Variants in BRCA2 observed in about 807,000 individuals in gnomAD.
BRCA2 encodes breast cancer type 2 susceptibility protein.
Under a neutral mutation model 276.7 loss-of-function variants are expected in BRCA2, and 203 were observed. The ratio of observed to expected loss-of-function variants is 0.73; its 90% CI spans 0.65 to 0.82. BRCA2 has a LOEUF of 0.82. Among genes scored for constraint, BRCA2 ranks in the 40% least tolerant of loss-of-function variants. BRCA2 has a pLI of 0.00. For missense variants in BRCA2, 3,920 were observed against 3,915.0 expected, an observed-to-expected ratio of 1.00 and a Z score of -0.03; for synonymous variants, 1,289 against 1,338.4, an observed-to-expected ratio of 0.96 and a Z score of 0.81.
In BRCA2 at chr13:32,398,674, T is replaced by G. The variant is rs1408867028; in HGVS notation, c.10161T>G (p.Thr3387=). 3 of 1,614,046 alleles carry G rather than the reference T, an allele frequency of 1.9e-6. No individual in the cohort carries two copies. The African/African-American group carries it at 4.0e-5, about 22-fold the overall frequency. The change falls in exon 27 of 27, where the codon ACT becomes ACG. Residue 3387 remains threonine (T), a synonymous_variant. Transcript: ENST00000380152. ...ATCTCAGACTGAAACGACGTTGTAC[T>G]ACATCTCTGATCAAAGAACAGGAGA... ...EDYLRLKRRC[T]TSLIKEQESS...
chr13:32,397,486 T>A (rs1158304740), intron 26 of BRCA2, among the ~76,000 whole-genome samples: 1 of 152,210 alleles, frequency 6.6e-6, no homozygotes, highest in Non-Finnish European at 1.5e-5. Flanking sequence ...AACAACCCTA[T>A]GAGATAAAAC....
chr13:32,323,297 C>T (rs1352316930), intron 3 of BRCA2, among the ~76,000 whole-genome samples: 2 of 151,996 alleles, frequency 1.3e-5, no homozygotes, highest in Non-Finnish European at 2.9e-5. Context: ...GGACTACAGG[C>T]ACCCGCCACC....
intron 18 of BRCA2, among the ~76,000 whole-genome samples, chr13:32,369,512 T>C (rs1174933014): frequency 6.6e-6 from 1 of 152,208 alleles, no homozygotes; most frequent in East Asian, 1.9e-4. Context: ...GTTTCTCATA[T>C]ACTTTAGTTT....
rs536333595 is a variant in BRCA2, at chr13:32,399,315, T to C, written c.*545T>C. ...ATAATTCCTTTTAGTTTAGCTACTA[T>C]TTTAGGGGATTTTTTTTAGAGGTAA... On this transcript the variant is annotated 3_prime_UTR_variant, in exon 27 of 27. Coordinates refer to ENST00000380152, the MANE Select transcript of BRCA2 (RefSeq NM_000059.4). 4 of 194,070 alleles carry C rather than the reference T, an allele frequency of 2.1e-5. No individual in the cohort carries two copies. The highest frequency in any genetic ancestry group is 4.6e-5 in the African/African-American group (2 of 43,238). The allele number at this position is 194,070 out of a possible 1,614,324, so 12.0% of individuals were successfully genotyped here. A position where few individuals can be genotyped will look rare whatever the true frequency, so the allele number is the denominator to read the frequency against.
intron 13 of BRCA2, among the ~76,000 whole-genome samples, chr13:32,351,573 G>A (rs1277822904): frequency 6.6e-6 from 1 of 152,170 alleles, no homozygotes; most frequent in Non-Finnish European, 1.5e-5. Flanking sequence ...AAAGGCAAGA[G>A]TGTGTGTGTA....
chr13:32,341,397 A>G (rs1288400484), intron 11 of BRCA2, among the ~76,000 whole-genome samples: 1 of 152,220 alleles, frequency 6.6e-6, no homozygotes, highest in Non-Finnish European at 1.5e-5. Flanking sequence ...CTTGGTATAC[A>G]GATTCGATAT....
intron 12 of BRCA2, among the ~76,000 whole-genome samples, chr13:32,345,812 G>T (rs949562599): frequency 6.6e-6 from 1 of 151,904 alleles, no homozygotes; most frequent in African/African-American, 2.4e-5. Flanking sequence ...TTTAAATTGT[G>T]ATCCATCACA....
At position 32,319,214 on chromosome 13, in the gene BRCA2, C is replaced by A. The variant is rs876658614; in HGVS notation, c.205C>A (p.Pro69Thr). The A allele has an allele frequency of 2.5e-6, 4 of 1,613,846 alleles. No individual in the cohort carries two copies. In the Admixed American group the frequency reaches 6.7e-5, roughly 27 times the overall value. ...PNLFKTPQRKPSYNQLASTPI... is the reference protein window; with the variant it reads ...PNLFKTPQRKTSYNQLASTPI... The stretch of plus-strand genomic sequence containing the variant: ...CCTATTTAAAACTCCACAAAGGAAA[C>A]CATCTTATAATCAGCTGGCTTCAAC... Residue 69 changes from proline (P) to threonine (T), a missense_variant, in exon 3 of 27, where the codon CCA becomes ACA. Around this residue, in one of 2 missense-constraint regions of BRCA2, gnomAD observed 3,263 missense variants for 3,156.9 expected, o/e 1.03. Coordinates refer to ENST00000380152, the MANE Select transcript of BRCA2 (RefSeq NM_000059.4).
intron 24 of BRCA2, among the ~76,000 whole-genome samples, chr13:32,381,861 G>A (rs1464310889): frequency 6.6e-6 from 1 of 152,194 alleles, no homozygotes; most frequent in Non-Finnish European, 1.5e-5. Flanking sequence ...GAAGTGGTGA[G>A]AAGCAGTCAG....
intron 11 of BRCA2, 143 bp downstream of exon 11, chr13:32,341,339 T>C: frequency 8.8e-7 from 1 of 1,138,900 alleles, no homozygotes; most frequent in African/African-American, 1.5e-5. Context: ...GGGAGTATGG[T>C]TTGATATACA....
intron 20 of BRCA2, among the ~76,000 whole-genome samples, chr13:32,375,821 A>G (rs1421862645): frequency 6.6e-6 from 1 of 151,736 alleles, no homozygotes; most frequent in Non-Finnish European, 1.5e-5. Context: ...CGGCCTCCCA[A>G]AGTGCTGGGA....
chr13:32,340,015 C>T lies in BRCA2; in HGVS notation c.5660C>T (p.Thr1887Met), dbSNP rs397507795. ...GAGAATAAATCAAAAATTTGCCAAA[C>T]GAAAATTATGGCAGGTTGTTACGAG... is the stretch of plus-strand genomic sequence containing the variant. Reference protein sequence around the residue: ...NNENKSKICQTKIMAGCYEAL... With the variant: ...NNENKSKICQMKIMAGCYEAL... Residue 1887 changes from threonine (T) to methionine (M), a missense_variant, in exon 11 of 27, where the codon ACG (threonine) becomes ATG (methionine). By Grantham distance (81) the Thr-to-Met change is moderately conservative. Transcript: ENST00000380152. 1.2e-5 allele frequency: 19 copies of T among 1,612,628 alleles called. No individual in the cohort carries two copies. The highest frequency in any genetic ancestry group is 8.9e-5 in the East Asian group (4 of 44,852).
rs397507413 is a variant in BRCA2, at chr13:32,379,308, T to C, written c.8755-9T>C. 42 of 1,613,368 alleles carry C rather than the reference T, an allele frequency of 2.6e-5. No individual in the cohort carries two copies. In the South Asian group the frequency reaches 4.6e-4, roughly 18 times the overall value. ...TTGCTTTTTATTCCAATATCTTAAA[T>C]GGTCACAGGGTTATTTCAGTGAAGA... On this transcript the variant is annotated splice_polypyrimidine_tract_variant and intron_variant, in intron 21 of 26. Transcript: ENST00000380152.
At chr13:32,372,503 A>G (rs1373831267) in intron 20 of BRCA2, among the ~76,000 whole-genome samples, 1 of 152,200 alleles carries the variant, frequency 6.6e-6, no homozygotes, top group African/African-American at 2.4e-5. Context: ...GAGAGAGTGC[A>G]GGGGAAACTG....
At chr13:32,365,490 C>T (rs1306479384) in intron 18 of BRCA2, among the ~76,000 whole-genome samples, 1 of 152,076 alleles carries the variant, frequency 6.6e-6, no homozygotes. Context: ...AAGTGATTCT[C>T]CTGTCTCAGC....
chr13:32,377,041 C>G (rs909933052), intron 21 of BRCA2, among the ~76,000 whole-genome samples: 3 of 152,088 alleles, frequency 2.0e-5, no homozygotes, highest in African/African-American at 7.2e-5. Context: ...AAAATGCAGG[C>G]AAAACTTGTT....
intron 3 of BRCA2, 78 bp downstream of exon 3, chr13:32,319,403 A>G: frequency 7.2e-7 from 1 of 1,395,652 alleles, no homozygotes; most frequent in Non-Finnish European, 1.0e-6. Flanking sequence ...ATCTTAGCTC[A>G]TTCATTAATT....
In BRCA2 at chr13:32,326,569, G is replaced by C. The variant is rs80358818; in HGVS notation, c.587G>C (p.Ser196Thr). 1.2e-6 allele frequency: 2 copies of C among 1,613,710 alleles called. No homozygotes were observed. Among genetic ancestry groups the C allele is most frequent in the Non-Finnish European group, 1.7e-6 (2 of 1,179,648 alleles). Reference sequence around the variant, plus strand: ...GTGGATCCTGATATGTCTTGGTCAAGTTCTTTAGCTACACCACCCACCCTT... The same window carrying C: ...GTGGATCCTGATATGTCTTGGTCAACTTCTTTAGCTACACCACCCACCCTT... ...AEVDPDMSWS[S>T]SLATPPTLSS... The change falls in exon 7 of 27, where the codon AGT becomes ACT. Residue 196 changes from serine (S) to threonine (T), a missense_variant. Ser to Thr is a moderately conservative substitution (Grantham distance 58, BLOSUM62 1). This residue lies in a region of BRCA2 where 3,263 missense variants were observed against 3,156.9 expected (regional missense o/e 1.03). Coordinates refer to ENST00000380152, the MANE Select transcript of BRCA2 (RefSeq NM_000059.4).
intron 24 of BRCA2, among the ~76,000 whole-genome samples, chr13:32,380,819 C>T (rs528197756): frequency 5.3e-5 from 8 of 151,396 alleles, no homozygotes; most frequent in Non-Finnish European, 1.2e-4. Flanking sequence ...GGATTACAGG[C>T]GTGAGCCACC....
Sources: allele counts gnomAD v4.1 joint callset (sites outside exome capture counted in the v4.1 genomes callset), GRCh38; gene constraint gnomAD v4.1.1; regional missense constraint gnomAD v4.1.1; transcripts MANE v1.5; gene names NCBI Gene and HGNC (gene_info 2026-07-23, HGNC 2026-07-21).